CD2AP: variants seen among roughly 807,000 people sequenced by gnomAD.
The protein encoded by CD2AP is CD2-associated protein.
CD2AP carries 46 observed loss-of-function variants against 85.1 expected under a neutral mutation model. The ratio of observed to expected loss-of-function variants is 0.54; its 90% CI spans 0.43 to 0.69. CD2AP has a LOEUF of 0.69. CD2AP is among the 30% of genes least tolerant of loss of function. The pLI is 0.00. For missense variants in CD2AP, 769 were observed against 729.5 expected (o/e 1.05, Z -0.62); for synonymous variants, 255 against 252.9 (o/e 1.01, Z -0.08).
Position 47,527,899 on chromosome 6 carries a change from G to A in CD2AP, c.166-5703G>A, listed in dbSNP as rs944452193. The stretch of plus-strand genomic sequence containing the variant: ...GTTCACTAGTAAAAATCAAGTCGTC[G>A]TCTTTACCTACATTTGTTTTTTGGT... On this transcript the variant is annotated intron_variant, in intron 2 of 17. Transcript: ENST00000359314. Among the ~76,000 whole-genome samples, 13 of 152,160 alleles carry A rather than the reference G, an allele frequency of 8.5e-5. 1 individual carries two copies. The South Asian group carries it at 1.0e-3, about 12-fold the overall frequency.
In CD2AP at chr6:47,626,264, C is replaced by G. The variant is rs886061544; in HGVS notation, c.*2037C>G. On this transcript the variant is annotated 3_prime_UTR_variant, in exon 18 of 18. Coordinates refer to ENST00000359314, the MANE Select transcript of CD2AP (RefSeq NM_012120.3). ...TCAGAATAGAAAAGTAACTGAAATA[C>G]TTTTACCTTTCTGTCCTTGATAAAA... The G allele has an allele frequency of 1.3e-5, 2 of 151,914 alleles. No individual in the cohort carries two copies. Among genetic ancestry groups the G allele is most frequent in the Admixed American group, 6.6e-5 (1 of 15,256 alleles). The allele number at this position is 151,914 out of a possible 1,614,324, so 9.4% of individuals were successfully genotyped here. A position where few individuals can be genotyped will look rare whatever the true frequency, so the allele number is the denominator to read the frequency against.
At chr6:47,537,224 A>G (rs577916567) in intron 3 of CD2AP, among the ~76,000 whole-genome samples, 2 of 152,194 alleles carry the variant, frequency 1.3e-5, no homozygotes, top group Non-Finnish European at 2.9e-5. Flanking sequence ...TCTTATTTTG[A>G]GTCAGTGCTG....
In CD2AP at chr6:47,566,444, T is replaced by C. The variant is rs181715910; in HGVS notation, c.542-7620T>C. Among the ~76,000 whole-genome samples the C allele has an allele frequency of 2.6e-4, 39 of 152,046 alleles. No individual in the cohort carries two copies. The East Asian group carries it at 5.4e-3, about 21-fold the overall frequency. ...TTTTTTGTGGTATATGTAGAACTTTTCAAACACTTTTGTCAAGTGAAATCC... is the reference window on the plus strand; with the variant it reads ...TTTTTTGTGGTATATGTAGAACTTTCCAAACACTTTTGTCAAGTGAAATCC... On this transcript the variant is annotated intron_variant, in intron 5 of 17. Coordinates refer to ENST00000359314, the MANE Select transcript of CD2AP (RefSeq NM_012120.3).
intron 17 of CD2AP, among the ~76,000 whole-genome samples, 178 bp from the exon 18 acceptor site, chr6:47,624,008 C>G (rs999008710): frequency 6.6e-6 from 1 of 152,018 alleles, no homozygotes; most frequent in African/African-American, 2.4e-5. Context: ...CATTTAGGAA[C>G]TTGCATTGTA....
At chr6:47,531,044 G>A (rs565405969) in intron 2 of CD2AP, among the ~76,000 whole-genome samples, 1 of 152,174 alleles carries the variant, frequency 6.6e-6, no homozygotes, top group East Asian at 1.9e-4. Flanking sequence ...GAGCCCAGGA[G>A]TTGAAGACCA....
chr6:47,540,856 A>G (rs1169526437), intron 3 of CD2AP, among the ~76,000 whole-genome samples: 1 of 152,238 alleles, frequency 6.6e-6, no homozygotes, highest in African/African-American at 2.4e-5. Flanking sequence ...TTTCTTTTCA[A>G]TAATATGGAT....
intron 17 of CD2AP, among the ~76,000 whole-genome samples, chr6:47,620,196 C>CT (rs1189964028): frequency 6.6e-6 from 1 of 152,106 alleles, no homozygotes; most frequent in Admixed American, 6.5e-5. Context: ...AGTTTCAGGT[C>CT]TTAGGTTTAA....
intron 1 of CD2AP, among the ~76,000 whole-genome samples, chr6:47,499,136 T>C (rs1268002010): frequency 6.6e-6 from 1 of 152,204 alleles, no homozygotes; most frequent in Non-Finnish European, 1.5e-5. Context: ...TGTTCCAGGC[T>C]AATCTTATAC....
At chr6:47,589,809 G>A (rs769605207) in intron 11 of CD2AP, among the ~76,000 whole-genome samples, 14 of 151,936 alleles carry the variant, frequency 9.2e-5, no homozygotes, top group Non-Finnish European at 1.9e-4. Flanking sequence ...CATGAAAGAG[G>A]AGGTATCCTA....
chr6:47,500,988 C>T (rs1047330323), intron 1 of CD2AP, among the ~76,000 whole-genome samples: 3 of 152,230 alleles, frequency 2.0e-5, no homozygotes, highest in South Asian at 2.1e-4. Context: ...ACCTTGTGAT[C>T]CGCCTGCCTC....
intron 2 of CD2AP, among the ~76,000 whole-genome samples, chr6:47,512,577 T>G (rs545259583): frequency 7.9e-5 from 12 of 152,368 alleles, no homozygotes; most frequent in African/African-American, 2.9e-4. Context: ...GACAAACTTA[T>G]GCCCATTTCA....
intron 3 of CD2AP, among the ~76,000 whole-genome samples, chr6:47,543,179 GAAAAAAGAAAAA>G (rs1457668835): frequency 7.9e-6 from 1 of 127,284 alleles, no homozygotes; most frequent in Non-Finnish European, 1.7e-5. Context: ...AAAAGAAAAA[GAAAAAAGAAAAA>G]AAAGAAAAAG....
intron 4 of CD2AP, among the ~76,000 whole-genome samples, chr6:47,547,927 T>C (rs2151975): frequency 0.27 from 40,912 of 152,034 alleles, 5,692 homozygotes; most frequent in African/African-American, 0.33. Flanking sequence ...TGAATGATCA[T>C]TGGGTCAGAA....
At chr6:47,614,762 A>G (rs1257213251) in intron 17 of CD2AP, among the ~76,000 whole-genome samples, 4 of 152,212 alleles carry the variant, frequency 2.6e-5, no homozygotes, top group African/African-American at 9.6e-5. Context: ...ACGAAGTACA[A>G]TAAAAAGAGG....
At chr6:47,588,312 G>A (rs1306690712) in intron 11 of CD2AP, among the ~76,000 whole-genome samples, 2 of 152,104 alleles carry the variant, frequency 1.3e-5, no homozygotes. Flanking sequence ...ACTCCATGAG[G>A]GAAAAGGTGT....
intron 9 of CD2AP, among the ~76,000 whole-genome samples, chr6:47,580,209 A>C (rs1768436478): frequency 6.6e-6 from 1 of 152,194 alleles, no homozygotes; most frequent in Non-Finnish European, 1.5e-5. Flanking sequence ...TTTACTAAAG[A>C]ATACGTTTTT....
chr6:47,478,378 C>T lies in CD2AP; in HGVS notation c.4+130C>T, dbSNP rs1765359860. 3 of 1,040,010 alleles carry T rather than the reference C, an allele frequency of 2.9e-6. No individual in the cohort carries two copies. In the African/African-American group the frequency reaches 4.7e-5, roughly 16 times the overall value. The allele number at this position is 1,040,010 out of a possible 1,614,324, so 64.4% of individuals were successfully genotyped here. ...GCGGCAGCACCCCACCCTCTCCATT[C>T]TCCCCACCGCCCCTTCTTGCCCTGC... On this transcript the variant is annotated intron_variant, in intron 1 of 17. Transcript: ENST00000359314.
intron 2 of CD2AP, among the ~76,000 whole-genome samples, chr6:47,529,958 G>T (rs1334213366): frequency 6.6e-6 from 1 of 152,116 alleles, no homozygotes; most frequent in East Asian, 1.9e-4. Context: ...CAGAAGCTCT[G>T]TGCTTCCCAT....
intron 3 of CD2AP, among the ~76,000 whole-genome samples, chr6:47,535,404 T>G (rs1767010638): frequency 6.6e-6 from 1 of 152,228 alleles, no homozygotes; most frequent in Non-Finnish European, 1.5e-5. Context: ...GTAAGGCTAT[T>G]AATAATTTTT....
Sources: allele counts gnomAD v4.1 joint callset (sites outside exome capture counted in the v4.1 genomes callset), GRCh38; gene constraint gnomAD v4.1.1; transcripts MANE v1.5; gene names NCBI Gene and HGNC (gene_info 2026-07-23, HGNC 2026-07-21).